P4HA3: variants seen among roughly 807,000 people sequenced by gnomAD.
The protein encoded by P4HA3 is prolyl 4-hydroxylase subunit alpha-3.
P4HA3 carries 60 observed loss-of-function variants against 66.7 expected under a neutral mutation model. The observed-to-expected ratio is 0.90, with a 90% CI of 0.73 to 1.12. P4HA3 has a LOEUF of 1.12. P4HA3 is among the 50% of genes most tolerant of loss of function. The pLI is 0.00. For missense variants in P4HA3, 683 were observed against 685.8 expected (o/e 1.00, Z 0.05); for synonymous variants, 263 against 274.6 (o/e 0.96, Z 0.42).
intron 15 of P4HA3, chr11:74,251,152 C>T (rs1859649270): frequency 1.3e-6 from 2 of 1,482,528 alleles, no homozygotes; most frequent in South Asian, 2.7e-5. Flanking sequence ...TGCAGTTCCA[C>T]CAGCTCTCCA....
At chr11:74,297,437 G>T (rs907912115) in intron 4 of P4HA3, among the ~76,000 whole-genome samples, 1 of 152,168 alleles carries the variant, frequency 6.6e-6, no homozygotes, top group Admixed American at 6.5e-5. Context: ...AGCAGAAATG[G>T]TTTACTAGTT....
At chr11:74,304,248 C>T (rs375445243) in intron 2 of P4HA3, 22 bp downstream of exon 2, 3 of 1,613,112 alleles carry the variant, frequency 1.9e-6, no homozygotes, top group South Asian at 1.1e-5. Context: ...CTCTCTTACC[C>T]TCCAGCCCTC....
intron 6 of P4HA3, 46 bp from the exon 7 acceptor site, chr11:74,286,031 A>G (rs1193320230): frequency 1.3e-6 from 2 of 1,552,806 alleles, no homozygotes; most frequent in Non-Finnish European, 8.9e-7. Flanking sequence ...AGGGTCTAGG[A>G]GCAAAACTCA....
rs747600240 is a variant in P4HA3 at position 74,273,588 on chromosome 11, T to C, written c.1355A>G (p.Tyr452Cys). 1.3e-6 allele frequency: 2 copies of C among 1,565,856 alleles called. No homozygotes were observed. The highest frequency in any genetic ancestry group is 3.9e-5 in the Admixed American group (2 of 51,028). Residue 452 changes from tyrosine to cysteine, a missense_variant, in exon 10 of 13, where the codon TAC becomes TGC. Coordinates refer to ENST00000331597, the MANE Select transcript of P4HA3 (RefSeq NM_182904.5). ...DHATSPSSPL[Y>C]RMKSGNRVAT... ...AACTCGGTTTCCTGACTTCATTCTG[T>C]AGAGGGGGCTGCTTGGTGACTGAGA...
chr11:74,299,973 T>C (rs1478893471), intron 3 of P4HA3, among the ~76,000 whole-genome samples: 2 of 152,234 alleles, frequency 1.3e-5, no homozygotes, highest in Non-Finnish European at 2.9e-5. Context: ...GCTATCTTAA[T>C]GAGACAAGAA....
At chr11:74,256,609 T>C (rs550237224) in intron 15 of P4HA3, among the ~76,000 whole-genome samples, 12 of 152,282 alleles carry the variant, frequency 7.9e-5, no homozygotes, top group Admixed American at 7.2e-4. Context: ...ACAGTGTCCT[T>C]GCAGAGCCTA....
At chr11:74,289,043 G>A (rs768702566) in intron 5 of P4HA3, 36 bp downstream of exon 5, 1 of 1,452,578 alleles carries the variant, frequency 6.9e-7, no homozygotes, top group South Asian at 1.5e-5. Flanking sequence ...CCGTAAATCA[G>A]ACCTGTGGCT....
At chr11:74,258,504 G>C (rs1027594489) in intron 15 of P4HA3, among the ~76,000 whole-genome samples, 1 of 152,162 alleles carries the variant, frequency 6.6e-6, no homozygotes, top group African/African-American at 2.4e-5. Context: ...GGAGTGGGGA[G>C]GGCAGACAAA....
At chr11:74,297,361 G>C (rs1030005841) in intron 4 of P4HA3, among the ~76,000 whole-genome samples, 3 of 152,110 alleles carry the variant, frequency 2.0e-5, no homozygotes, top group African/African-American at 7.2e-5. Flanking sequence ...GCAACACATG[G>C]GTTTGGAGCA....
chr11:74,284,950 C>T (rs559648266), intron 7 of P4HA3, among the ~76,000 whole-genome samples: 10 of 152,180 alleles, frequency 6.6e-5, no homozygotes, highest in South Asian at 4.2e-4. Flanking sequence ...TCGTTGGGCC[C>T]GCTAGCCCTG....
At chr11:74,269,757 C>T in intron 10 of P4HA3, 37 bp from the exon 11 acceptor site, 1 of 1,595,630 alleles carries the variant, frequency 6.3e-7, no homozygotes, top group East Asian at 2.2e-5. Flanking sequence ...GTTAAAACTG[C>T]CACCGACTTC....
intron 15 of P4HA3, chr11:74,253,437 G>A (rs1391266966): frequency 6.4e-7 from 1 of 1,553,792 alleles, no homozygotes; most frequent in African/African-American, 1.4e-5. Context: ...AGATAAGCAA[G>A]GGAAAGCTAT....
intron 7 of P4HA3, among the ~76,000 whole-genome samples, chr11:74,281,033 A>G (rs1860574278): frequency 6.6e-6 from 1 of 152,058 alleles, no homozygotes; most frequent in Non-Finnish European, 1.5e-5. Context: ...ATTTACAAGA[A>G]AAAAACAACC....
intron 2 of P4HA3, among the ~76,000 whole-genome samples, chr11:74,303,769 C>T (rs1246146306): frequency 6.6e-6 from 1 of 151,592 alleles, no homozygotes; most frequent in African/African-American, 2.4e-5. Context: ...TTTTTGATAG[C>T]GACAGGGTTT....
intron 8 of P4HA3, among the ~76,000 whole-genome samples, chr11:74,278,687 A>C (rs1860483370): frequency 6.6e-6 from 1 of 152,214 alleles, no homozygotes. Context: ...GGGACCTTCC[A>C]TAGGTTAGAG....
At chr11:74,263,035 A>C (rs1013742300), downstream of P4HA3, among the ~76,000 whole-genome samples, 2 of 152,236 alleles carry the variant, frequency 1.3e-5, no homozygotes, top group African/African-American at 4.8e-5. Flanking sequence ...CTGGGGCTCC[A>C]ACATGGATAC....
At chr11:74,283,775 T>C (rs539479528) in intron 7 of P4HA3, among the ~76,000 whole-genome samples, 198 of 152,362 alleles carry the variant, frequency 1.3e-3, no homozygotes, top group Non-Finnish European at 2.4e-3. Flanking sequence ...CTTCTTTCTC[T>C]GATAGATGTC....
chr11:74,296,470 C>T (rs12421228), intron 4 of P4HA3, among the ~76,000 whole-genome samples: 13,811 of 152,160 alleles, frequency 0.091, 976 homozygotes, highest in African/African-American at 0.2. Flanking sequence ...AGGAGGAACA[C>T]AAACCATCTA....
At chr11:74,263,020 T>C (rs1234654413), downstream of P4HA3, among the ~76,000 whole-genome samples, 1 of 152,238 alleles carries the variant, frequency 6.6e-6, no homozygotes, top group Non-Finnish European at 1.5e-5. Context: ...TCTTTCCATG[T>C]GTTCCTGGGG....
Sources: allele counts gnomAD v4.1 joint callset (sites outside exome capture counted in the v4.1 genomes callset), GRCh38; gene constraint gnomAD v4.1.1; transcripts MANE v1.5; gene names NCBI Gene and HGNC (gene_info 2026-07-23, HGNC 2026-07-21).